Variants in SYNE1 observed in about 807,000 individuals in gnomAD.
SYNE1 encodes the protein spectrin repeat containing nuclear envelope protein 1.
A neutral mutation model predicts 1,111.0 loss-of-function variants in SYNE1; 616 were observed. That is an observed-to-expected ratio of 0.55 (90% CI 0.52 to 0.59). The LOEUF (loss-of-function observed/expected upper bound fraction) is 0.59. Ranked by LOEUF, SYNE1 falls within the 20% of genes least tolerant of loss-of-function variation. The pLI is 0.00. For synonymous variants in SYNE1, 3,855 were observed against 3,825.8 expected, an observed-to-expected ratio of 1.01 and a Z score of -0.28; for missense variants, 10,006 against 10,417.0, an observed-to-expected ratio of 0.96 and a Z score of 1.72.
chr6:152,519,951 T>TA (rs2099130752), intron 6 of SYNE1, among the ~76,000 whole-genome samples: 1 of 152,092 alleles, frequency 6.6e-6, no homozygotes, highest in South Asian at 2.1e-4. Flanking sequence ...AAACTCAACC[T>TA]AATCACGAGA....
chr6:152,465,198 A>C, intron 18 of SYNE1, 60 bp downstream of exon 18: 1 of 1,572,924 alleles, frequency 6.4e-7, no homozygotes, highest in Non-Finnish European at 8.7e-7. Flanking sequence ...GCTACGCTGT[A>C]AAAGTCTCTC....
intron 96 of SYNE1, among the ~76,000 whole-genome samples, chr6:152,282,843 A>G (rs1444435451): frequency 6.6e-6 from 1 of 152,182 alleles, no homozygotes; most frequent in Non-Finnish European, 1.5e-5. Context: ...CACAAATCTA[A>G]TATATGAATA....
chr6:152,377,208 C>G (rs779131043), intron 56 of SYNE1, among the ~76,000 whole-genome samples: 6 of 151,970 alleles, frequency 3.9e-5, no homozygotes, highest in Non-Finnish European at 8.8e-5. Context: ...GAAAAAATAG[C>G]CTACATTGTC....
chr6:152,324,734 G>A (rs2096007403), intron 81 of SYNE1, among the ~76,000 whole-genome samples: 1 of 152,156 alleles, frequency 6.6e-6, no homozygotes, highest in Admixed American at 6.5e-5. Context: ...CCGGGAGGCG[G>A]AGCTTGCAGT....
intron 95 of SYNE1, among the ~76,000 whole-genome samples, 168 bp from the exon 96 acceptor site, chr6:152,284,340 G>A (rs1460844459): frequency 6.6e-6 from 1 of 152,160 alleles, no homozygotes; most frequent in African/African-American, 2.4e-5. Context: ...TAAATGAAAG[G>A]CCAGGACTTT....
chr6:152,362,960 A>C lies in SYNE1; in HGVS notation c.10146-637T>G, dbSNP rs546520398. 2.0e-5 allele frequency among the ~76,000 whole-genome samples: 3 copies of C among 151,272 alleles called. No homozygotes were observed. The East Asian group carries it at 6.1e-4, about 31-fold the overall frequency. ...CAGTGGCGCGATCTCGGCTCACTGC[A>C]AGCTCTGCCTCCCGGGTTCACGCCA... On this transcript the variant is annotated intron_variant, in intron 63 of 145. Transcript: ENST00000367255.
chr6:152,603,275 G>A (rs574739193), intron 3 of SYNE1, among the ~76,000 whole-genome samples: 5 of 152,148 alleles, frequency 3.3e-5, no homozygotes, highest in African/African-American at 7.2e-5. Flanking sequence ...TATTACATCA[G>A]AGTTGAGGGA....
chr6:152,309,078 G>A (rs890130699), intron 90 of SYNE1, among the ~76,000 whole-genome samples: 34 of 152,166 alleles, frequency 2.2e-4, no homozygotes, highest in African/African-American at 7.5e-4. Context: ...CAGCACTTTT[G>A]GAGGCCAAGG....
At chr6:152,307,016 T>C (rs1046867746) in intron 91 of SYNE1, among the ~76,000 whole-genome samples, 10 of 152,084 alleles carry the variant, frequency 6.6e-5, no homozygotes, top group African/African-American at 2.4e-4. Flanking sequence ...AAAATATCTG[T>C]ACCATGATAG....
chr6:152,321,700 A>G, intron 83 of SYNE1, 21 bp downstream of exon 83: 1 of 1,613,904 alleles, frequency 6.2e-7, no homozygotes, highest in Non-Finnish European at 8.5e-7. Flanking sequence ...GGGTAAAGAG[A>G]ATGAGGAGAC....
intron 11 of SYNE1, among the ~76,000 whole-genome samples, chr6:152,493,897 G>T (rs2098985178): frequency 6.6e-6 from 1 of 152,102 alleles, no homozygotes; most frequent in Non-Finnish European, 1.5e-5. Flanking sequence ...TGACCCCATA[G>T]ATCCTAAATC....
rs373902612 is a variant in SYNE1 at position 152,244,649 on chromosome 6, T to A, written c.19580A>T (p.Gln6527Leu). Residue 6527 changes from glutamine to leucine, a missense_variant, in exon 106 of 146, where the codon CAA (glutamine) becomes CTA (leucine). Transcript: ENST00000367255. ...QPVAEQIEAI[Q>L]QAEDGLKEFD... The stretch of plus-strand genomic sequence containing the variant: ...TTCTTTGAGTCCATCTTCAGCCTGT[T>A]GTATTGCCTAAGTAAGATCCATGAC... The A allele has an allele frequency of 8.7e-6, 14 of 1,613,838 alleles. No individual in the cohort carries two copies. In the African/African-American group the frequency reaches 1.6e-4, roughly 18 times the overall value.
At chr6:152,587,024 T>C (rs2099541923) in intron 3 of SYNE1, among the ~76,000 whole-genome samples, 1 of 152,168 alleles carries the variant, frequency 6.6e-6, no homozygotes, top group Non-Finnish European at 1.5e-5. Context: ...CCAAGTCATA[T>C]CTTTGTAAAG....
intron 11 of SYNE1, among the ~76,000 whole-genome samples, chr6:152,492,235 A>G (rs905687197): frequency 6.6e-6 from 1 of 152,156 alleles, no homozygotes; most frequent in Non-Finnish European, 1.5e-5. Context: ...ACCCACTCCC[A>G]ACATTAGAAA....
At chr6:152,247,467 T>A (rs2087521959) in intron 105 of SYNE1, among the ~76,000 whole-genome samples, 2 of 151,998 alleles carry the variant, frequency 1.3e-5, no homozygotes, top group South Asian at 4.1e-4. Flanking sequence ...TGCTCCAGTC[T>A]TTTTTGGAAT....
intron 6 of SYNE1, among the ~76,000 whole-genome samples, chr6:152,518,779 T>C (rs1326711481): frequency 6.6e-6 from 1 of 151,954 alleles, no homozygotes; most frequent in Non-Finnish European, 1.5e-5. Context: ...TCAGAGGTAT[T>C]AGTCTGAACT....
Position 152,325,143 on chromosome 6 carries a change from G to A in SYNE1, c.15598C>T (p.Gln5200Ter). The change falls in exon 81 of 146, where the codon CAG becomes TAG. Residue 5200 changes from glutamine (Q) to a stop codon, truncating the protein, a stop_gained. Coordinates refer to ENST00000367255, the MANE Select transcript of SYNE1 (RefSeq NM_182961.4). LOFTEE classifies it high-confidence loss of function. ...QRWTRLRAVA[Q>*]DQEKILEDAV... ...TCTTCCAGGATCTTCTCCTGGTCCTGGGCCACAGCTCGAAGGCGTGTCCAG... is the reference window on the plus strand; with the variant it reads ...TCTTCCAGGATCTTCTCCTGGTCCTAGGCCACAGCTCGAAGGCGTGTCCAG... 1 of 1,614,160 alleles carries A rather than the reference G, an allele frequency of 6.2e-7. No individual in the cohort carries two copies. The highest frequency in any genetic ancestry group is 8.5e-7 in the Non-Finnish European group (1 of 1,180,024).
chr6:152,350,363 G>A (rs749491819), intron 71 of SYNE1, 28 bp from the exon 72 acceptor site: 2 of 1,613,966 alleles, frequency 1.2e-6, no homozygotes, highest in East Asian at 2.2e-5. Flanking sequence ...CATCAGAGAT[G>A]ACTTTCAAGT....
chr6:152,600,081 G>A (rs2099592554), intron 3 of SYNE1, among the ~76,000 whole-genome samples: 1 of 152,170 alleles, frequency 6.6e-6, no homozygotes, highest in Non-Finnish European at 1.5e-5. Flanking sequence ...TACTCATCAG[G>A]ACTGACGACT....
Sources: gnomAD v4.1 joint callset for allele counts (sites outside exome capture counted in the v4.1 genomes callset) on GRCh38, gnomAD v4.1.1 for gene constraint, MANE v1.5 for transcripts, NCBI Gene and HGNC (gene_info 2026-07-23, HGNC 2026-07-21) for gene names.